Variants in PI4KA observed in about 807,000 individuals in gnomAD.
The protein encoded by PI4KA is phosphatidylinositol 4-kinase alpha, also known as PI4-kinase alpha.
In PI4KA, 122 loss-of-function variants were observed where a neutral mutation model predicts 271.4. The observed-to-expected ratio is 0.45, with a 90% CI of 0.39 to 0.52. The LOEUF is 0.52. Ranked by LOEUF, PI4KA falls within the 20% of genes least tolerant of loss-of-function variation. The pLI is 0.00. For synonymous variants in PI4KA, 1,041 were observed against 1,078.8 expected (o/e 0.96, Z 0.69); for missense variants, 1,969 against 2,769.1 (o/e 0.71, Z 6.48).
chr22:20,744,935 G>C (rs1169689849), intron 29 of PI4KA, among the ~76,000 whole-genome samples: 1 of 152,096 alleles, frequency 6.6e-6, no homozygotes, highest in Non-Finnish European at 1.5e-5. Context: ...AAAGTCTCTG[G>C]AAGGCAGTTT....
intron 8 of PI4KA, 32 bp downstream of exon 8, chr22:20,813,326 A>G (rs1408471569): frequency 2.7e-6 from 4 of 1,497,322 alleles, no homozygotes; most frequent in Non-Finnish European, 3.7e-6. Context: ...TGACATATCC[A>G]TGGTCTGTTC....
At chr22:20,831,918 C>A (rs1205790766) in intron 3 of PI4KA, among the ~76,000 whole-genome samples, 1 of 151,982 alleles carries the variant, frequency 6.6e-6, no homozygotes, top group Non-Finnish European at 1.5e-5. Context: ...ATACGTTTTC[C>A]AAGTTGCTTA....
In PI4KA at chr22:20,799,371, A is replaced by G. The variant is rs188759182; in HGVS notation, c.1821-95T>C. ...AGACTACGATCTAGACCTTAATTTC[A>G]TAACAGTCTTGATGCAGTGTTCATC... On this transcript the variant is annotated intron_variant, in intron 15 of 54. Coordinates refer to ENST00000255882, the MANE Select transcript of PI4KA (RefSeq NM_058004.4). 2.4e-3 allele frequency: 2,811 copies of G among 1,185,372 alleles called. 15 individuals are homozygous for G. The highest frequency in any genetic ancestry group is 0.019 in the Middle Eastern group (66 of 3,390). The allele number at this position is 1,185,372 out of a possible 1,614,324, so 73.4% of individuals were successfully genotyped here.
At chr22:20,854,501 T>C (rs1927357195) in intron 1 of PI4KA, among the ~76,000 whole-genome samples, 2 of 151,990 alleles carry the variant, frequency 1.3e-5, no homozygotes, top group South Asian at 4.2e-4. Context: ...AGTGAGTGAC[T>C]AGAGTAAGTA....
chr22:20,857,501 G>A (rs1162989157), intron 1 of PI4KA, among the ~76,000 whole-genome samples: 3 of 152,186 alleles, frequency 2.0e-5, no homozygotes, highest in Non-Finnish European at 4.4e-5. Context: ...GGTCACCACT[G>A]TCTTATCTTG....
rs5760149 is a variant in PI4KA, at chr22:20,710,068, A to C, written c.6084-71T>G. On this transcript the variant is annotated intron_variant, in intron 52 of 54. Transcript: ENST00000255882. ...GGTGGCCCTGCCTGTAGTCCTGTGG[A>C]CTGGCTGATGCCAACAGCCTCAGGT... is the stretch of plus-strand genomic sequence containing the variant. 0.44 allele frequency: 367,826 copies of C among 834,838 alleles called. 82,562 individuals carry two copies. The highest frequency in any genetic ancestry group is 0.56 in the Admixed American group (31,641 of 56,566). The allele number at this position is 834,838 out of a possible 1,614,324, so 51.7% of individuals were successfully genotyped here. A position where few individuals can be genotyped will look rare whatever the true frequency, so the allele number is the denominator to read the frequency against.
Position 20,764,899 on chromosome 22 carries a change from GA to G in PI4KA, c.2625del (p.Glu877ArgfsTer26). ...TTGTTGATGAGTGCGGACACCTCGG[GA>G]GGGGGGTCCAGCAGGTTGATGATAG... ...RSTIINLLDP[P>X]PEVSALINKL... On this transcript the variant is annotated frameshift_variant, in exon 22 of 55. Transcript: ENST00000255882. LOFTEE classifies it high-confidence loss of function. 1 of 1,613,562 alleles carries G rather than the reference GA, an allele frequency of 6.2e-7. No homozygotes were observed. The highest frequency in any genetic ancestry group is 2.2e-5 in the East Asian group (1 of 44,862).
chr22:20,714,891 G>A (rs1377790530), intron 45 of PI4KA, among the ~76,000 whole-genome samples, 191 bp from the exon 46 acceptor site: 1 of 152,156 alleles, frequency 6.6e-6, no homozygotes, highest in Non-Finnish European at 1.5e-5. Context: ...CGTCCTCCTT[G>A]ACTCTTCGAC....
intron 10 of PI4KA, among the ~76,000 whole-genome samples, chr22:20,806,766 T>A (rs992632337): frequency 6.6e-6 from 1 of 152,072 alleles, no homozygotes; most frequent in Non-Finnish European, 1.5e-5. Context: ...AGTCTTACTC[T>A]GTCACATAGG....
At chr22:20,746,554 C>T (rs2329483) in intron 29 of PI4KA, among the ~76,000 whole-genome samples, 63,655 of 151,992 alleles carry the variant, frequency 0.42, 13,767 homozygotes, top group African/African-American at 0.49. Context: ...CTCCTACCAC[C>T]CCCAAAAAGG....
At chr22:20,717,608 G>C (rs1264839701) in intron 45 of PI4KA, 100 bp downstream of exon 45, 1 of 1,080,912 alleles carries the variant, frequency 9.3e-7, no homozygotes, top group East Asian at 2.6e-5. Flanking sequence ...AAGCCACTGT[G>C]TCCACATCCT....
chr22:20,762,063 C>T (rs1037094582), intron 22 of PI4KA, among the ~76,000 whole-genome samples: 2 of 152,128 alleles, frequency 1.3e-5, no homozygotes, highest in Admixed American at 6.5e-5. Context: ...GTTTTATGCA[C>T]TCTGTACATT....
At chr22:20,782,749 G>A (rs890560539) in intron 19 of PI4KA, among the ~76,000 whole-genome samples, 2 of 152,178 alleles carry the variant, frequency 1.3e-5, no homozygotes, top group South Asian at 4.2e-4. Context: ...GGCTGGGGAT[G>A]TTGCTAAACA....
intron 41 of PI4KA, 78 bp from the exon 42 acceptor site, chr22:20,726,619 C>G: frequency 7.7e-7 from 1 of 1,303,418 alleles, no homozygotes; most frequent in South Asian, 1.4e-5. Flanking sequence ...CCTGCCTCTG[C>G]TTCTGCTCTG....
intron 9 of PI4KA, among the ~76,000 whole-genome samples, chr22:20,808,902 C>T (rs567286470): frequency 1.6e-4 from 24 of 151,934 alleles, no homozygotes; most frequent in Admixed American, 1.0e-3. Flanking sequence ...ATCTTTAAGG[C>T]GCCAGAAGTT....
chr22:20,792,997 A>T (rs151126061), intron 19 of PI4KA, among the ~76,000 whole-genome samples, 196 bp downstream of exon 19: 7 of 152,228 alleles, frequency 4.6e-5, no homozygotes, highest in African/African-American at 1.7e-4. Context: ...GGAGAAAGGG[A>T]GTGAAGGATG....
Position 20,824,361 on chromosome 22 carries a change from C to T in PI4KA, c.421G>A (p.Asp141Asn), listed in dbSNP as rs796052191. Reference protein sequence around the residue: ...FSFCLVTLLSDVAYRDPSLRD... With the variant: ...FSFCLVTLLSNVAYRDPSLRD... ...AGTGAAGGATCCCTATAGGCCACAT[C>T]AGACAGCAGAGTTACCAAGCAGAAG... The change falls in exon 4 of 55, where the codon GAT (aspartate) becomes AAT (asparagine). Residue 141 changes from aspartate to asparagine, a missense_variant. By Grantham distance (23) the Asp-to-Asn change is conservative. This residue lies in a region of PI4KA where 540 missense variants were observed against 555.5 expected (regional missense o/e 0.97). Transcript: ENST00000255882. 4 of 1,613,706 alleles carry T rather than the reference C, an allele frequency of 2.5e-6. No homozygotes were observed. In the East Asian group the frequency reaches 8.9e-5, roughly 36 times the overall value.
At chr22:20,744,240 C>T (rs1201213560) in intron 30 of PI4KA, among the ~76,000 whole-genome samples, 1 of 152,020 alleles carries the variant, frequency 6.6e-6, no homozygotes, top group Non-Finnish European at 1.5e-5. Flanking sequence ...TCCACTTGTG[C>T]GACTTTGGCA....
In PI4KA at chr22:20,835,132, GT is replaced by G. The variant is rs112694123; in HGVS notation, c.274-478del. On this transcript the variant is annotated intron_variant, in intron 2 of 54. Coordinates refer to ENST00000255882, the MANE Select transcript of PI4KA (RefSeq NM_058004.4). ...CATGTCCCTTGTCCATTTTCCTTGT[GT>G]TTTTTTTTTTTAATTTTCTACTTCA... 6.8e-3 allele frequency among the ~76,000 whole-genome samples: 991 copies of G among 145,900 alleles called. 10 individuals carry two copies. The highest frequency in any genetic ancestry group is 0.058 in the East Asian group (291 of 5,058).
Sources: gnomAD v4.1 joint callset for allele counts (sites outside exome capture counted in the v4.1 genomes callset) on GRCh38, gnomAD v4.1.1 for gene constraint, gnomAD v4.1.1 regional missense constraint, MANE v1.5 for transcripts, NCBI Gene and HGNC (gene_info 2026-07-23, HGNC 2026-07-21) for gene names.